FBXL7: variants seen among roughly 807,000 people sequenced by gnomAD.
FBXL7 encodes F-box/LRR-repeat protein 7.
Under a neutral mutation model 38.3 loss-of-function variants are expected in FBXL7, and 12 were observed. The observed-to-expected ratio is 0.31, with a 90% confidence interval of 0.20 to 0.51. FBXL7 has a LOEUF of 0.51. Among genes scored for constraint, FBXL7 ranks in the 20% least tolerant of loss-of-function variants. The pLI is 0.98. For missense variants in FBXL7, 567 were observed against 676.4 expected, an observed-to-expected ratio of 0.84 and a Z score of 1.79; for synonymous variants, 297 against 300.9, an observed-to-expected ratio of 0.99 and a Z score of 0.13.
At chr5:15,557,811 GTCC>G (rs1305114665) in intron 1 of FBXL7, among the ~76,000 whole-genome samples, 4 of 152,196 alleles carry the variant, frequency 2.6e-5, no homozygotes, top group African/African-American at 4.8e-5. Flanking sequence ...GAGAACTGGA[GTCC>G]TCCTCAGTTC....
intron 2 of FBXL7, among the ~76,000 whole-genome samples, chr5:15,658,922 A>G (rs2126581343): frequency 6.6e-6 from 1 of 152,176 alleles, no homozygotes; most frequent in South Asian, 2.1e-4. Flanking sequence ...TGGAGGCAGA[A>G]ATTGGGCATA....
At chr5:15,758,491 C>A (rs1736358433) in intron 2 of FBXL7, among the ~76,000 whole-genome samples, 6 of 152,078 alleles carry the variant, frequency 3.9e-5, no homozygotes, top group Middle Eastern at 3.4e-3. Context: ...TCAAAATACC[C>A]TGTTGTAAAT....
intron 2 of FBXL7, among the ~76,000 whole-genome samples, chr5:15,722,887 CA>C (rs1383576632): frequency 1.3e-5 from 2 of 149,304 alleles, no homozygotes; most frequent in African/African-American, 4.9e-5. Flanking sequence ...CGCGCCACTA[CA>C]CTCCAGCCTG....
At chr5:15,905,962 C>T (rs1741348314) in intron 2 of FBXL7, among the ~76,000 whole-genome samples, 1 of 151,788 alleles carries the variant, frequency 6.6e-6, no homozygotes, top group South Asian at 2.1e-4. Flanking sequence ...TACTAGGATG[C>T]TGAATACGCA....
chr5:15,883,073 A>G (rs1184057654), intron 2 of FBXL7, among the ~76,000 whole-genome samples: 1 of 152,200 alleles, frequency 6.6e-6, no homozygotes, highest in African/African-American at 2.4e-5. Context: ...CCCAACTGTT[A>G]AAAATTCTTC....
At chr5:15,873,317 T>C (rs1461264888) in intron 2 of FBXL7, among the ~76,000 whole-genome samples, 1 of 152,012 alleles carries the variant, frequency 6.6e-6, no homozygotes, top group African/African-American at 2.4e-5. Flanking sequence ...GCGGGAAAGA[T>C]CTAAAATTGA....
At chr5:15,863,167 C>T (rs1739553208) in intron 2 of FBXL7, among the ~76,000 whole-genome samples, 1 of 152,130 alleles carries the variant, frequency 6.6e-6, no homozygotes, top group Non-Finnish European at 1.5e-5. Flanking sequence ...AATTAGATTT[C>T]ATTTTATTTG....
At chr5:15,842,407 A>C (rs1272342260) in intron 2 of FBXL7, among the ~76,000 whole-genome samples, 1 of 152,162 alleles carries the variant, frequency 6.6e-6, no homozygotes, top group Non-Finnish European at 1.5e-5. Flanking sequence ...GAAGTAACTA[A>C]CTTTCTTTCG....
At chr5:15,649,578 TC>T (rs775693094) in intron 2 of FBXL7, among the ~76,000 whole-genome samples, 135 of 152,294 alleles carry the variant, frequency 8.9e-4, no homozygotes, top group Non-Finnish European at 1.7e-3. Flanking sequence ...ATCTCAGTCA[TC>T]CCATTTGTGT....
At chr5:15,541,647 C>T (rs1312183247) in intron 1 of FBXL7, among the ~76,000 whole-genome samples, 2 of 148,364 alleles carry the variant, frequency 1.3e-5, no homozygotes, top group Admixed American at 6.8e-5. Context: ...CAGGTTCAAG[C>T]AATTCTCGTG....
At chr5:15,771,145 G>A (rs2126710696) in intron 2 of FBXL7, among the ~76,000 whole-genome samples, 1 of 152,292 alleles carries the variant, frequency 6.6e-6, no homozygotes, top group Middle Eastern at 3.4e-3. Context: ...GGTCATTGGT[G>A]GACCTGAGAA....
rs73072040 is a variant in FBXL7, at chr5:15,770,457, A to C, written c.127+154385A>C. ...ATCCATTTTTACCCACCTTGAATAC[A>C]GCTATGGTGAGTGGAATTCTGGCAG... is the stretch of plus-strand genomic sequence containing the variant. On this transcript the variant is annotated intron_variant, in intron 2 of 3. Coordinates refer to ENST00000504595, the MANE Select transcript of FBXL7 (RefSeq NM_012304.5). Among the ~76,000 whole-genome samples the C allele has an allele frequency of 3.9e-3, 591 of 152,294 alleles. 5 individuals carry two copies. The highest frequency in any genetic ancestry group is 0.014 in the African/African-American group (568 of 41,564).
intron 2 of FBXL7, among the ~76,000 whole-genome samples, chr5:15,706,234 G>C (rs1579393797): frequency 6.6e-6 from 1 of 152,152 alleles, no homozygotes; most frequent in Non-Finnish European, 1.5e-5. Flanking sequence ...TTCATGGCTT[G>C]GTGTTGTCTT....
At chr5:15,730,973 G>A (rs149837182) in intron 2 of FBXL7, among the ~76,000 whole-genome samples, 9 of 152,276 alleles carry the variant, frequency 5.9e-5, no homozygotes, top group African/African-American at 1.4e-4. Flanking sequence ...ATGTTAACAG[G>A]TGTTTTAAGC....
chr5:15,931,693 T>C (rs1477982220), intron 3 of FBXL7, among the ~76,000 whole-genome samples: 3 of 152,216 alleles, frequency 2.0e-5, no homozygotes, highest in Non-Finnish European at 4.4e-5. Flanking sequence ...ATCTCTTTCC[T>C]GCATACACGC....
chr5:15,500,634 G>A lies in FBXL7; in HGVS notation c.-43G>A. The A allele has an allele frequency of 6.2e-7, 1 of 1,613,332 alleles. No homozygotes were observed. The highest frequency in any genetic ancestry group is 1.1e-5 in the South Asian group (1 of 91,074). ...CCGAGCGCGCAGGACGTGCGCCGCA[G>A]CTATGGAGTGTCCCGGGAGACGGCG... On this transcript the variant is annotated 5_prime_UTR_variant, in exon 1 of 4. Coordinates refer to ENST00000504595, the MANE Select transcript of FBXL7 (RefSeq NM_012304.5).
At chr5:15,832,282 C>T (rs569630138) in intron 2 of FBXL7, among the ~76,000 whole-genome samples, 2 of 152,204 alleles carry the variant, frequency 1.3e-5, no homozygotes, top group South Asian at 2.1e-4. Flanking sequence ...GTAATCTTTG[C>T]GAATAGCAGC....
intron 2 of FBXL7, among the ~76,000 whole-genome samples, chr5:15,715,447 C>T (rs1026209474): frequency 2.7e-5 from 4 of 146,392 alleles, no homozygotes; most frequent in Non-Finnish European, 4.5e-5. Flanking sequence ...GCCGAGATTG[C>T]GCCACTGCAC....
chr5:15,685,161 GAACA>G (rs1217545014), intron 2 of FBXL7, among the ~76,000 whole-genome samples: 1 of 152,058 alleles, frequency 6.6e-6, no homozygotes, highest in Non-Finnish European at 1.5e-5. Flanking sequence ...TCTTGAGCAG[GAACA>G]AACAGTGAAA....
Sources: gnomAD v4.1 joint callset for allele counts (sites outside exome capture counted in the v4.1 genomes callset) on GRCh38, gnomAD v4.1.1 for gene constraint, MANE v1.5 for transcripts, NCBI Gene and HGNC (gene_info 2026-07-23, HGNC 2026-07-21) for gene names.